The following CNTN4 variants were observed in gnomAD, a reference collection of about 807,000 sequenced individuals.
CNTN4 encodes the protein contactin 4.
A neutral mutation model predicts 122.5 loss-of-function variants in CNTN4; 77 were observed. The observed-to-expected ratio is 0.63, with a 90% CI of 0.52 to 0.76. The LOEUF (loss-of-function observed/expected upper bound fraction) is 0.76. Among genes scored for constraint, CNTN4 ranks in the 30% least tolerant of loss-of-function variants. CNTN4 has a pLI of 0.00. For synonymous variants in CNTN4, 512 were observed against 447.0 expected, an observed-to-expected ratio of 1.15 and a Z score of -1.83; for missense variants, 1,256 against 1,259.1, an observed-to-expected ratio of 1.00 and a Z score of 0.04.
chr3:2,305,664 C>G (rs1358811585), intron 2 of CNTN4, among the ~76,000 whole-genome samples: 3 of 152,046 alleles, frequency 2.0e-5, no homozygotes, highest in Non-Finnish European at 4.4e-5. Flanking sequence ...ATAAACATAA[C>G]CTTTTTAAAG....
chr3:2,835,104 A>G lies in CNTN4; in HGVS notation c.454+15523A>G, dbSNP rs957443076. On this transcript the variant is annotated intron_variant, in intron 7 of 24. Coordinates refer to ENST00000418658, the MANE Select transcript of CNTN4 (RefSeq NM_175607.3). ...GTATTTTTAGTAGAGGCGGGGTTTC[A>G]CCGTGTTAGCCAGGATGGTCTCGAT... Among the ~76,000 whole-genome samples, 34 of 151,210 alleles carry G rather than the reference A, an allele frequency of 2.2e-4. No individual in the cohort carries two copies. In the East Asian group the frequency reaches 4.3e-3, roughly 19 times the overall value.
intron 2 of CNTN4, among the ~76,000 whole-genome samples, chr3:2,179,355 A>C (rs1475102463): frequency 6.6e-6 from 1 of 152,072 alleles, no homozygotes; most frequent in African/African-American, 2.4e-5. Flanking sequence ...TCTAGCTGAC[A>C]GTCCATAATG....
intron 3 of CNTN4, among the ~76,000 whole-genome samples, chr3:2,517,195 A>C (rs766426026): frequency 1.3e-5 from 2 of 152,168 alleles, no homozygotes; most frequent in Non-Finnish European, 2.9e-5. Flanking sequence ...ACACTTTAAC[A>C]ATGTAATTAT....
chr3:2,681,958 T>G (rs2085188447), intron 4 of CNTN4, among the ~76,000 whole-genome samples: 1 of 152,186 alleles, frequency 6.6e-6, no homozygotes, highest in African/African-American at 2.4e-5. Flanking sequence ...ACAAATAAAT[T>G]CCTCCATTTT....
chr3:2,606,526 G>A (rs143789900), intron 4 of CNTN4, among the ~76,000 whole-genome samples: 1 of 152,262 alleles, frequency 6.6e-6, no homozygotes, highest in Non-Finnish European at 1.5e-5. Flanking sequence ...GTGACTGATG[G>A]GCGGATAATG....
chr3:2,884,066 C>T (rs1477338894), intron 9 of CNTN4, among the ~76,000 whole-genome samples: 1 of 152,042 alleles, frequency 6.6e-6, no homozygotes, highest in Non-Finnish European at 1.5e-5. Flanking sequence ...CTTTTTCCTG[C>T]GCCCAAATGT....
chr3:2,247,895 T>G (rs1231906632), intron 2 of CNTN4, among the ~76,000 whole-genome samples: 1 of 152,022 alleles, frequency 6.6e-6, no homozygotes, highest in Non-Finnish European at 1.5e-5. Flanking sequence ...TCTCAGGACT[T>G]CATGCATGTG....
intron 6 of CNTN4, among the ~76,000 whole-genome samples, chr3:2,762,965 T>A (rs6778928): frequency 5.2e-5 from 7 of 134,134 alleles, no homozygotes; most frequent in Non-Finnish European, 7.8e-5. Flanking sequence ...TTTTTTAGAC[T>A]GAGTCTCGCT....
intron 3 of CNTN4, among the ~76,000 whole-genome samples, chr3:2,541,727 T>C (rs1575916984): frequency 1.3e-5 from 2 of 152,270 alleles, no homozygotes; most frequent in East Asian, 3.9e-4. Flanking sequence ...CCAGAGTATA[T>C]GTCAGATTGT....
chr3:2,651,432 G>C (rs2728010), intron 4 of CNTN4, among the ~76,000 whole-genome samples: 3,042 of 152,246 alleles, frequency 0.02, 102 homozygotes, highest in African/African-American at 0.069. Context: ...GGTTCGATCA[G>C]ATTCTCATGG....
At chr3:2,394,649 G>C (rs1308537493) in intron 3 of CNTN4, among the ~76,000 whole-genome samples, 2 of 152,078 alleles carry the variant, frequency 1.3e-5, no homozygotes, top group South Asian at 2.1e-4. Context: ...CAATTACTTT[G>C]GAAAAGGGTT....
intron 2 of CNTN4, among the ~76,000 whole-genome samples, chr3:2,148,436 G>A (rs879872016): frequency 4.6e-5 from 7 of 152,024 alleles, no homozygotes; most frequent in Admixed American, 6.5e-5. Flanking sequence ...TCAGATGGCC[G>A]GGGTAGAAAT....
intron 2 of CNTN4, among the ~76,000 whole-genome samples, chr3:2,173,010 G>C (rs565106518): frequency 6.6e-6 from 1 of 152,196 alleles, no homozygotes; most frequent in Non-Finnish European, 1.5e-5. Flanking sequence ...GATCTGCAAC[G>C]TGGTAGATTG....
rs1444803729 is a variant in CNTN4, at chr3:2,925,683, T to A, written c.1262T>A (p.Val421Glu). Reference protein sequence around the residue: ...TLLKRVTLVKVGGEVVIECKP... With the variant: ...TLLKRVTLVKEGGEVVIECKP... ...TTGAAAAGAGTAACTCTTGTCAAAGTGGGAGGTGAAGTTGTCATTGAGTGT... is the reference window on the plus strand; with the variant it reads ...TTGAAAAGAGTAACTCTTGTCAAAGAGGGAGGTGAAGTTGTCATTGAGTGT... Residue 421 changes from valine to glutamate, a missense_variant, in exon 13 of 25, where the codon GTG becomes GAG. Physicochemically the swap from Val to Glu is moderately radical, Grantham distance 121. Transcript: ENST00000418658. 1.2e-6 allele frequency: 2 copies of A among 1,613,940 alleles called. No individual in the cohort carries two copies. Among genetic ancestry groups the A allele is most frequent in the East Asian group, 2.2e-5 (1 of 44,864 alleles).
At chr3:3,040,975 A>G (rs1700112646) in intron 20 of CNTN4, 1 of 152,950 alleles carries the variant, frequency 6.5e-6, no homozygotes, top group Non-Finnish European at 1.5e-5. Flanking sequence ...TAAGTCATGA[A>G]GCAGTGTGAT....
chr3:2,448,709 T>C (rs1467578786), intron 3 of CNTN4, among the ~76,000 whole-genome samples: 3 of 152,200 alleles, frequency 2.0e-5, no homozygotes, highest in African/African-American at 4.8e-5. Context: ...TTAACAATTA[T>C]TACTGAGTAC....
intron 4 of CNTN4, among the ~76,000 whole-genome samples, chr3:2,647,380 CATAA>C (rs10591988): frequency 0.2 from 29,697 of 150,432 alleles, 3,248 homozygotes; most frequent in African/African-American, 0.27. Context: ...AAACTCATCT[CATAA>C]ATAAATAAAT....
intron 3 of CNTN4, among the ~76,000 whole-genome samples, chr3:2,451,977 A>G (rs745979330): frequency 6.6e-6 from 1 of 152,210 alleles, no homozygotes; most frequent in Non-Finnish European, 1.5e-5. Flanking sequence ...GGAGATAGAT[A>G]CTATAGATTC....
chr3:2,843,124 T>C (rs1029473567), intron 7 of CNTN4, among the ~76,000 whole-genome samples: 2 of 152,200 alleles, frequency 1.3e-5, no homozygotes, highest in African/African-American at 2.4e-5. Flanking sequence ...TCAAAGGTAA[T>C]ATGACTAAAC....
Sources: allele counts gnomAD v4.1 joint callset (sites outside exome capture counted in the v4.1 genomes callset), GRCh38; gene constraint gnomAD v4.1.1; transcripts MANE v1.5; gene names NCBI Gene and HGNC (gene_info 2026-07-23, HGNC 2026-07-21).